The following PHF10 variants were observed in gnomAD, a reference collection of about 807,000 sequenced individuals.
The protein encoded by PHF10 is PHD finger protein 10, also known as BRG1-associated factor 45a.
Under a neutral mutation model 68.5 loss-of-function variants are expected in PHF10, and 51 were observed. The observed-to-expected ratio is 0.74, with a 90% CI of 0.59 to 0.94. The LOEUF (loss-of-function observed/expected upper bound fraction) is 0.94. Ranked by LOEUF, PHF10 falls within the 40% of genes least tolerant of loss-of-function variation. The pLI, the probability that PHF10 is intolerant of heterozygous loss-of-function variation, is 0.00. For missense variants in PHF10, 460 were observed against 602.6 expected (o/e 0.76, Z 2.48); for synonymous variants, 204 against 203.5 (o/e 1.00, Z -0.02).
intron 2 of PHF10, among the ~76,000 whole-genome samples, chr6:169,719,973 CA>C (rs35531685): frequency 1.3e-5 from 2 of 150,514 alleles, no homozygotes; most frequent in Non-Finnish European, 3.0e-5. Flanking sequence ...GCTCCTACAA[CA>C]AAAAAAACCC....
At chr6:169,710,888 T>C (rs1788913967) in intron 8 of PHF10, among the ~76,000 whole-genome samples, 1 of 152,122 alleles carries the variant, frequency 6.6e-6, no homozygotes, top group African/African-American at 2.4e-5. Context: ...TTCACAATGT[T>C]AAACTATGCA....
intron 1 of PHF10, among the ~76,000 whole-genome samples, chr6:169,722,399 T>A (rs1789200961): frequency 6.6e-6 from 1 of 152,248 alleles, no homozygotes; most frequent in Non-Finnish European, 1.5e-5. Flanking sequence ...AACATTCCAG[T>A]ATTTTTTCTA....
chr6:169,720,239 T>C (rs111915871), intron 2 of PHF10, among the ~76,000 whole-genome samples: 2 of 152,164 alleles, frequency 1.3e-5, no homozygotes, highest in African/African-American at 4.8e-5. Context: ...GCAGCCCCTA[T>C]GGAAAACAGT....
chr6:169,721,369 A>G (rs1479655674), intron 1 of PHF10, among the ~76,000 whole-genome samples: 1 of 152,196 alleles, frequency 6.6e-6, no homozygotes, highest in African/African-American at 2.4e-5. Context: ...TCATAAACAT[A>G]TCAAACTGCT....
intron 10 of PHF10, 87 bp from the exon 11 acceptor site, chr6:169,705,408 C>T: frequency 1.1e-6 from 1 of 910,564 alleles, no homozygotes; most frequent in Non-Finnish European, 1.7e-6. Context: ...TTTAGGACTT[C>T]CAGAGAATGG....
chr6:169,717,062 G>C (rs1410604829), intron 4 of PHF10, among the ~76,000 whole-genome samples: 1 of 152,144 alleles, frequency 6.6e-6, no homozygotes, highest in Non-Finnish European at 1.5e-5. Flanking sequence ...GACCAGCCTG[G>C]CCAACATGGT....
intron 1 of PHF10, among the ~76,000 whole-genome samples, chr6:169,722,173 AT>A (rs1395779676): frequency 1.3e-5 from 2 of 152,240 alleles, no homozygotes; most frequent in Non-Finnish European, 2.9e-5. Context: ...TAAAATGATG[AT>A]TATGATGATA....
chr6:169,705,452 T>C, intron 10 of PHF10, 131 bp from the exon 11 acceptor site: 1 of 732,852 alleles, frequency 1.4e-6, no homozygotes, highest in Non-Finnish European at 2.3e-6. Flanking sequence ...GAAATGAATA[T>C]ACAATGTAGA....
At chr6:169,707,412 C>G (rs1456239852) in intron 9 of PHF10, 1 of 152,220 alleles carries the variant, frequency 6.6e-6, no homozygotes, top group Non-Finnish European at 1.5e-5. Flanking sequence ...CCATAATATA[C>G]AGCAGAATGC....
chr6:169,718,710 C>A, intron 3 of PHF10, 78 bp downstream of exon 3: 1 of 834,074 alleles, frequency 1.2e-6, no homozygotes, highest in Non-Finnish European at 1.9e-6. Flanking sequence ...ATATAATCTA[C>A]AGAAAAATTC....
Position 169,705,214 on chromosome 6 carries a change from G to A in PHF10, c.1330C>T (p.His444Tyr), listed in dbSNP as rs979926647. 2.5e-6 allele frequency: 4 copies of A among 1,613,500 alleles called. No homozygotes were observed. The East Asian group carries it at 8.9e-5, about 36-fold the overall frequency. Residue 444 changes from histidine (H) to tyrosine (Y), a missense_variant, in exon 11 of 12, where the codon CAT (histidine) becomes TAT (tyrosine). This residue lies in a region of PHF10 where 111 missense variants were observed against 109.7 expected (regional missense o/e 1.01). Transcript: ENST00000339209. ...KTCIICGQPH[H>Y]EEEMMFCDMC... is the part of the protein sequence containing the mutation. ...TCACAGAACATCATTTCTTCTTCAT[G>A]GTGGGGTTGTCCACATATAATGCAT... is the stretch of plus-strand genomic sequence containing the variant.
chr6:169,715,912 T>A (rs1389806747), intron 5 of PHF10, 43 bp downstream of exon 5: 1 of 1,594,924 alleles, frequency 6.3e-7, no homozygotes, highest in African/African-American at 1.4e-5. Flanking sequence ...AATGTCATTT[T>A]CCCCAACCCA....
At chr6:169,704,238 G>A (rs995578186) in intron 11 of PHF10, 150 bp from the exon 12 acceptor site, 1 of 557,362 alleles carries the variant, frequency 1.8e-6, no homozygotes, top group Non-Finnish European at 3.1e-6. Context: ...CTTAATTTAA[G>A]GAAAAAATGT....
Position 169,712,554 on chromosome 6 carries a change from G to C in PHF10, c.804-15C>G. The C allele has an allele frequency of 6.3e-7, 1 of 1,594,678 alleles. No individual in the cohort carries two copies. Among genetic ancestry groups the C allele is most frequent in the Non-Finnish European group, 8.5e-7 (1 of 1,173,816 alleles). On this transcript the variant is annotated splice_polypyrimidine_tract_variant and intron_variant, in intron 7 of 11. Coordinates refer to ENST00000339209, the MANE Select transcript of PHF10 (RefSeq NM_018288.4). The stretch of plus-strand genomic sequence containing the variant: ...CTGGTGAGTACCTGAAGTTCAGAGA[G>C]TTTATTTTTGGTTTCCCTTTATTAT...
chr6:169,715,151 T>C, intron 6 of PHF10, among the ~76,000 whole-genome samples: 1 of 152,182 alleles, frequency 6.6e-6, no homozygotes, highest in East Asian at 1.9e-4. Flanking sequence ...GTAATCCTAG[T>C]TCCAACCTCA....
chr6:169,714,882 C>T, intron 6 of PHF10, 40 bp from the exon 7 acceptor site: 1 of 1,023,506 alleles, frequency 9.8e-7, no homozygotes, highest in Non-Finnish European at 1.6e-6. Context: ...TGATTCCATG[C>T]TAAGAATCAA....
Position 169,705,471 on chromosome 6 carries a change from C to T in PHF10, c.1222+145G>A. 6 of 714,448 alleles carry T rather than the reference C, an allele frequency of 8.4e-6. No individual in the cohort carries two copies. The Admixed American group carries it at 1.2e-4, about 15-fold the overall frequency. The allele number at this position is 714,448 out of a possible 1,614,324, so 44.3% of individuals were successfully genotyped here. On this transcript the variant is annotated intron_variant, in intron 10 of 11. Transcript: ENST00000339209. ...TGAATATACAATGTAGAGGAAAACA[C>T]ATGGGCTGTGTCTATGCCTCACAAG... is the stretch of plus-strand genomic sequence containing the variant.
In PHF10 at chr6:169,721,064, C is replaced by T; in HGVS notation, c.135G>A (p.Arg45=). ...NSNDGTQPSK[R]RRMGSGDSSR... is the part of the protein sequence containing the mutation. ...AACTATCTCCTGAGCCCATTCGCCT[C>T]CTTTTGGATGGCTGGGTCCCATCAT... is the stretch of plus-strand genomic sequence containing the variant. The change falls in exon 2 of 12, where the codon AGG becomes AGA. Residue 45 remains arginine (R), a synonymous_variant. Coordinates refer to ENST00000339209, the MANE Select transcript of PHF10 (RefSeq NM_018288.4). 6.5e-7 allele frequency: 1 copy of T among 1,547,472 alleles called. No homozygotes were observed. The highest frequency in any genetic ancestry group is 1.2e-5 in the South Asian group (1 of 83,886).
intron 8 of PHF10, 75 bp downstream of exon 8, chr6:169,712,300 TCAAGGAGAGGG>T: frequency 8.8e-7 from 1 of 1,137,440 alleles, no homozygotes. Flanking sequence ...CCATCCTTTT[TCAAGGAGAGGG>T]TGATGACAGA....
Sources: allele counts gnomAD v4.1 joint callset (sites outside exome capture counted in the v4.1 genomes callset), GRCh38; gene constraint gnomAD v4.1.1; regional missense constraint gnomAD v4.1.1; transcripts MANE v1.5; gene names NCBI Gene and HGNC (gene_info 2026-07-23, HGNC 2026-07-21).